The following DPYD variants were observed in gnomAD, a reference collection of about 807,000 sequenced individuals.
DPYD encodes dihydropyrimidine dehydrogenase [NADP(+)].
A neutral mutation model predicts 116.2 loss-of-function variants in DPYD; 109 were observed. That is an observed-to-expected ratio of 0.94 (90% CI 0.80 to 1.10). The LOEUF (loss-of-function observed/expected upper bound fraction) is 1.10, where lower values mean the gene tolerates loss of function less well. Among genes scored for constraint, DPYD ranks in the 50% least tolerant of loss-of-function variants. The pLI, the probability that DPYD is intolerant of heterozygous loss-of-function variation, is 0.00. For synonymous variants in DPYD, 440 were observed against 432.0 expected (o/e 1.02, Z -0.23); for missense variants, 1,302 against 1,254.5 (o/e 1.04, Z -0.57).
At chr1:97,118,457 A>G (rs1652156500) in intron 20 of DPYD, among the ~76,000 whole-genome samples, 1 of 152,192 alleles carries the variant, frequency 6.6e-6, no homozygotes, top group African/African-American at 2.4e-5. Context: ...ACACACAGGT[A>G]GAAAGCAAGA....
At chr1:97,908,207 A>G (rs1009907097) in intron 1 of DPYD, among the ~76,000 whole-genome samples, 3 of 151,772 alleles carry the variant, frequency 2.0e-5, no homozygotes, top group African/African-American at 7.3e-5. Context: ...CAGCACACCA[A>G]TCTAATTTTG....
chr1:97,233,752 C>T (rs1044082326), intron 19 of DPYD, among the ~76,000 whole-genome samples: 4 of 152,038 alleles, frequency 2.6e-5, no homozygotes, highest in South Asian at 2.1e-4. Context: ...TGTTGTTTCT[C>T]GGGTCTTGAG....
chr1:97,646,719 T>G (rs1355394709), intron 8 of DPYD, among the ~76,000 whole-genome samples: 1 of 152,140 alleles, frequency 6.6e-6, no homozygotes, highest in Non-Finnish European at 1.5e-5. Flanking sequence ...TTACTCATCA[T>G]GTAATGAGCT....
intron 14 of DPYD, among the ~76,000 whole-genome samples, chr1:97,436,285 A>G (rs1053520380): frequency 6.6e-6 from 1 of 152,022 alleles, no homozygotes; most frequent in African/African-American, 2.4e-5. Flanking sequence ...TACTAAATTG[A>G]TATTATGTAA....
chr1:97,599,310 C>G (rs1021935204), intron 8 of DPYD, among the ~76,000 whole-genome samples: 3 of 152,040 alleles, frequency 2.0e-5, no homozygotes, highest in African/African-American at 7.2e-5. Context: ...TAAATAACAG[C>G]AGTATATATA....
chr1:97,389,794 A>C (rs1386935768), intron 14 of DPYD, among the ~76,000 whole-genome samples: 1 of 151,752 alleles, frequency 6.6e-6, no homozygotes, highest in African/African-American at 2.4e-5. Context: ...TTACTAATCA[A>C]ATTTTGCATA....
At chr1:97,322,862 A>C (rs987896256) in intron 16 of DPYD, 3 of 152,004 alleles carry the variant, frequency 2.0e-5, no homozygotes, top group African/African-American at 7.2e-5. Flanking sequence ...TAAGACATAC[A>C]GCAGCTCTAA....
chr1:97,879,729 T>C (rs1337377209), intron 2 of DPYD, among the ~76,000 whole-genome samples: 2 of 151,930 alleles, frequency 1.3e-5, no homozygotes, highest in African/African-American at 2.4e-5. Flanking sequence ...GTCAAACACA[T>C]GCTTATTTTC....
intron 20 of DPYD, among the ~76,000 whole-genome samples, chr1:97,177,574 T>C (rs1247080772): frequency 6.7e-6 from 1 of 148,564 alleles, no homozygotes. Flanking sequence ...TTCTTTTTTT[T>C]TTTTTTTGAC....
At chr1:97,803,544 T>C (rs1034983599) in intron 3 of DPYD, among the ~76,000 whole-genome samples, 1 of 151,932 alleles carries the variant, frequency 6.6e-6, no homozygotes, top group African/African-American at 2.4e-5. Context: ...CACATACTTC[T>C]ATCCAAGTAT....
At chr1:97,396,776 CCTT>C (rs1254676849) in intron 14 of DPYD, among the ~76,000 whole-genome samples, 1 of 151,984 alleles carries the variant, frequency 6.6e-6, no homozygotes, top group Non-Finnish European at 1.5e-5. Context: ...TCATATTGGT[CCTT>C]CTTGTAGTGC....
chr1:97,853,508 C>G (rs1244145101), intron 2 of DPYD, among the ~76,000 whole-genome samples: 1 of 152,132 alleles, frequency 6.6e-6, no homozygotes, highest in Non-Finnish European at 1.5e-5. Context: ...TGTTCCTAAC[C>G]AAGTGTGATA....
At chr1:97,155,354 T>A (rs907268207) in intron 20 of DPYD, among the ~76,000 whole-genome samples, 6 of 152,236 alleles carry the variant, frequency 3.9e-5, no homozygotes, top group Admixed American at 1.3e-4. Flanking sequence ...TCAAATGTTA[T>A]AACCTGTTGT....
intron 18 of DPYD, among the ~76,000 whole-genome samples, chr1:97,274,386 G>T (rs1664790575): frequency 6.6e-6 from 1 of 152,060 alleles, no homozygotes; most frequent in Admixed American, 6.6e-5. Context: ...CATCTCTCTT[G>T]TGCCCTCTCT....
intron 20 of DPYD, among the ~76,000 whole-genome samples, chr1:97,118,382 C>T (rs577800881): frequency 6.6e-6 from 1 of 152,026 alleles, no homozygotes; most frequent in East Asian, 1.9e-4. Context: ...CTTTCCATTT[C>T]TCTTTCTTTT....
chr1:97,582,535 G>T (rs1226426764), intron 10 of DPYD, among the ~76,000 whole-genome samples: 2 of 151,938 alleles, frequency 1.3e-5, no homozygotes, highest in Non-Finnish European at 2.9e-5. Flanking sequence ...AGTAATTTTT[G>T]ACTTATTTTA....
At position 97,768,260 on chromosome 1, in the gene DPYD, A is replaced by G. The variant is rs185226425; in HGVS notation, c.234-27781T>C. Among the ~76,000 whole-genome samples, 5 of 152,284 alleles carry G rather than the reference A, an allele frequency of 3.3e-5. No homozygotes were observed. The South Asian group carries it at 8.3e-4, about 25-fold the overall frequency. On this transcript the variant is annotated intron_variant, in intron 3 of 22. Coordinates refer to ENST00000370192, the MANE Select transcript of DPYD (RefSeq NM_000110.4). Reference sequence around the variant, plus strand: ...TGAAAGTTGCTGTATGTCTGTATGTATATCTTTGTGTGTATTAAACAAAAA... The same window carrying G: ...TGAAAGTTGCTGTATGTCTGTATGTGTATCTTTGTGTGTATTAAACAAAAA...
At position 97,921,029 on chromosome 1, in the gene DPYD, C is replaced by A. The variant is rs1029515018; in HGVS notation, c.-107G>T. 25 of 1,403,758 alleles carry A rather than the reference C, an allele frequency of 1.8e-5. No individual in the cohort carries two copies. The highest frequency in any genetic ancestry group is 8.2e-5 in the Admixed American group (4 of 48,926). The allele number at this position is 1,403,758 out of a possible 1,614,324, so 87.0% of individuals were successfully genotyped here. A position where few individuals can be genotyped will look rare whatever the true frequency, so the allele number is the denominator to read the frequency against. Reference sequence around the variant, plus strand: ...AGCCGGAGCGCGAGTCGAAAACAGGCAGACTAGGGCCGGCGGCGCGGGGGC... The same window carrying A: ...AGCCGGAGCGCGAGTCGAAAACAGGAAGACTAGGGCCGGCGGCGCGGGGGC... On this transcript the variant is annotated 5_prime_UTR_variant, in exon 1 of 23. Coordinates refer to ENST00000370192, the MANE Select transcript of DPYD (RefSeq NM_000110.4).
intron 16 of DPYD, among the ~76,000 whole-genome samples, chr1:97,344,563 C>T (rs1217977129): frequency 6.6e-6 from 1 of 150,934 alleles, no homozygotes; most frequent in African/African-American, 2.4e-5. Context: ...CAATTTTTTT[C>T]TCTTTACATT....
Sources: gnomAD v4.1 joint callset for allele counts (sites outside exome capture counted in the v4.1 genomes callset) on GRCh38, gnomAD v4.1.1 for gene constraint, MANE v1.5 for transcripts, NCBI Gene and HGNC (gene_info 2026-07-23, HGNC 2026-07-21) for gene names.